The following PTBP2 variants were observed in gnomAD, a reference collection of about 807,000 sequenced individuals.
PTBP2 encodes the protein polypyrimidine tract-binding protein 2.
PTBP2 carries 13 observed loss-of-function variants against 61.4 expected under a neutral mutation model. That is an observed-to-expected ratio of 0.21 (90% CI 0.14 to 0.34). PTBP2 has a LOEUF of 0.34. PTBP2 is among the 10% of genes least tolerant of loss of function. The pLI is 1.00. For missense variants in PTBP2, 405 were observed against 642.6 expected, an observed-to-expected ratio of 0.63 and a Z score of 4.00; for synonymous variants, 215 against 218.5, an observed-to-expected ratio of 0.98 and a Z score of 0.14.
intron 2 of PTBP2, among the ~76,000 whole-genome samples, chr1:96,742,902 C>T (rs1188455477): frequency 6.6e-6 from 1 of 152,118 alleles, no homozygotes; most frequent in South Asian, 2.1e-4. Context: ...GTCGTCTAAT[C>T]TCCAGTATTC....
intron 5 of PTBP2, among the ~76,000 whole-genome samples, chr1:96,775,589 G>A (rs1211818552): frequency 6.6e-6 from 1 of 152,096 alleles, no homozygotes; most frequent in African/African-American, 2.4e-5. Context: ...ATGGCTTCTA[G>A]AGTGTTGATA....
At chr1:96,730,915 A>T (rs946055167) in intron 2 of PTBP2, among the ~76,000 whole-genome samples, 3 of 152,204 alleles carry the variant, frequency 2.0e-5, no homozygotes, top group East Asian at 3.8e-4. Context: ...TTGAAAAGCA[A>T]TTATTCTGTA....
intron 3 of PTBP2, among the ~76,000 whole-genome samples, chr1:96,754,049 A>C (rs1214179821): frequency 2.0e-5 from 3 of 152,178 alleles, no homozygotes; most frequent in East Asian, 3.8e-4. Flanking sequence ...CATTCCTAAG[A>C]AGCTCAGGTA....
chr1:96,772,379 T>C (rs1040818697), intron 5 of PTBP2, among the ~76,000 whole-genome samples: 2 of 152,196 alleles, frequency 1.3e-5, no homozygotes, highest in East Asian at 1.9e-4. Flanking sequence ...ATACAAAATA[T>C]ATCATTTTGG....
intron 9 of PTBP2, 53 bp downstream of exon 9, chr1:96,804,992 A>T: frequency 1.4e-6 from 2 of 1,395,736 alleles, no homozygotes; most frequent in Non-Finnish European, 9.5e-7. Context: ...CATTTGTGAA[A>T]GTTTTTCATG....
intron 8 of PTBP2, among the ~76,000 whole-genome samples, chr1:96,792,242 A>C (rs1659928667): frequency 6.6e-6 from 1 of 152,144 alleles, no homozygotes; most frequent in Non-Finnish European, 1.5e-5. Context: ...GATGAATATG[A>C]ATACTAATAT....
intron 3 of PTBP2, among the ~76,000 whole-genome samples, chr1:96,760,669 T>G (rs781004805): frequency 1.3e-5 from 2 of 152,070 alleles, no homozygotes; most frequent in Non-Finnish European, 2.9e-5. Context: ...ATGGTCTTGC[T>G]CTCTTGACGT....
intron 10 of PTBP2, 81 bp from the exon 11 acceptor site, chr1:96,806,785 A>G (rs1571021602): frequency 1.0e-6 from 1 of 978,820 alleles, no homozygotes; most frequent in East Asian, 2.4e-5. Context: ...TTTCATTGAT[A>G]TGTCAGAAAG....
chr1:96,769,660 T>G, intron 3 of PTBP2, 43 bp from the exon 4 acceptor site: 1 of 1,333,752 alleles, frequency 7.5e-7, no homozygotes. Flanking sequence ...TCATACATTC[T>G]TTTATTGTTG....
At chr1:96,818,720 G>T (rs148748143), downstream of PTBP2, 1 of 151,998 alleles carries the variant, frequency 6.6e-6, no homozygotes, top group Non-Finnish European at 1.5e-5. Flanking sequence ...TTTCCTGAGT[G>T]TGGAAATTAT....
chr1:96,723,781 C>CA (rs1244597000), intron 2 of PTBP2, among the ~76,000 whole-genome samples, 187 bp downstream of exon 2: 1 of 152,108 alleles, frequency 6.6e-6, no homozygotes, highest in African/African-American at 2.4e-5. Context: ...CTAGAACTGT[C>CA]AGTCTGTAAG....
intron 1 of PTBP2, among the ~76,000 whole-genome samples, chr1:96,722,889 A>G (rs1649815191): frequency 6.6e-6 from 1 of 152,198 alleles, no homozygotes; most frequent in African/African-American, 2.4e-5. Context: ...CAATGTTAGA[A>G]AGGGGGCACG....
At chr1:96,805,497 C>T (rs1300657122) in intron 9 of PTBP2, among the ~76,000 whole-genome samples, 1 of 151,038 alleles carries the variant, frequency 6.6e-6, no homozygotes, top group Non-Finnish European at 1.5e-5. Context: ...TAACTTTATT[C>T]CCCCACCCCT....
intron 8 of PTBP2, among the ~76,000 whole-genome samples, chr1:96,796,240 G>A (rs1298040514): frequency 6.7e-6 from 1 of 149,944 alleles, no homozygotes; most frequent in Non-Finnish European, 1.5e-5. Context: ...ACTGCTTGAG[G>A]CCAACATTTT....
intron 11 of PTBP2, among the ~76,000 whole-genome samples, chr1:96,810,817 G>T (rs1310972304): frequency 1.3e-5 from 2 of 152,144 alleles, no homozygotes; most frequent in African/African-American, 4.8e-5. Context: ...TTATAATTCA[G>T]TGGGTTTTAT....
chr1:96,812,987 T>C (rs1343620842), intron 12 of PTBP2, 42 bp from the exon 13 acceptor site: 1 of 1,595,622 alleles, frequency 6.3e-7, no homozygotes, highest in African/African-American at 1.3e-5. Flanking sequence ...ATATGAAATT[T>C]ATTCTTAATC....
At chr1:96,801,565 G>T (rs1027654502) in intron 8 of PTBP2, among the ~76,000 whole-genome samples, 13 of 152,002 alleles carry the variant, frequency 8.6e-5, no homozygotes, top group Admixed American at 8.5e-4. Context: ...TAAAAAGTTC[G>T]TGGTTTTGGC....
intron 8 of PTBP2, among the ~76,000 whole-genome samples, chr1:96,787,191 T>C (rs1347797443): frequency 6.6e-6 from 1 of 151,976 alleles, no homozygotes; most frequent in East Asian, 1.9e-4. Context: ...TGGCTAACTT[T>C]TGTCTTTTTT....
At chr1:96,774,744 A>G (rs1250904209) in intron 5 of PTBP2, among the ~76,000 whole-genome samples, 1 of 152,130 alleles carries the variant, frequency 6.6e-6, no homozygotes, top group African/African-American at 2.4e-5. Flanking sequence ...TAGTACAGCC[A>G]GTACGTATCT....
Sources: gnomAD v4.1 joint callset for allele counts (sites outside exome capture counted in the v4.1 genomes callset) on GRCh38, gnomAD v4.1.1 for gene constraint, MANE v1.5 for transcripts, NCBI Gene and HGNC (gene_info 2026-07-23, HGNC 2026-07-21) for gene names.